The following KIF26B variants were observed in gnomAD, a reference collection of about 807,000 sequenced individuals.
KIF26B encodes the protein kinesin-like protein KIF26B.
A neutral mutation model predicts 151.2 loss-of-function variants in KIF26B; 63 were observed. The observed-to-expected ratio is 0.42, with a 90% CI of 0.34 to 0.51. KIF26B has a LOEUF of 0.51. Ranked by LOEUF, KIF26B falls within the 20% of genes least tolerant of loss-of-function variation. The pLI, the probability that KIF26B is intolerant of heterozygous loss-of-function variation, is 0.07. For synonymous variants in KIF26B, 1,357 were observed against 1,262.1 expected, an observed-to-expected ratio of 1.08 and a Z score of -1.59; for missense variants, 2,813 against 2,913.6, an observed-to-expected ratio of 0.97 and a Z score of 0.79.
At chr1:245,385,341 C>T (rs113820570) in intron 3 of KIF26B, among the ~76,000 whole-genome samples, 1,564 of 152,268 alleles carry the variant, frequency 0.01, 26 homozygotes, top group African/African-American at 0.036. Context: ...TTAATTGGTA[C>T]AAATATATTG....
At chr1:245,281,939 G>A (rs1214548241) in intron 2 of KIF26B, among the ~76,000 whole-genome samples, 2 of 151,540 alleles carry the variant, frequency 1.3e-5, no homozygotes, top group African/African-American at 2.4e-5. Context: ...ATTTCTGAGG[G>A]CTCTGTTCTG....
intron 4 of KIF26B, among the ~76,000 whole-genome samples, chr1:245,445,247 G>A (rs568061518): frequency 2.2e-4 from 33 of 152,302 alleles, no homozygotes; most frequent in Middle Eastern, 3.4e-3. Context: ...AGCCAGGCTG[G>A]TCTAGAATCT....
chr1:245,640,143 C>CTCTCTCTCTCTCTCTATATATATA, intron 9 of KIF26B, among the ~76,000 whole-genome samples: 6 of 31,922 alleles, frequency 1.9e-4, no homozygotes, highest in African/African-American at 2.8e-4. Flanking sequence ...CTCTCTCTCT[C>CTCTCTCTCTCTCTCTATATATATA]TATATATATA....
Position 245,156,659 on chromosome 1 carries a change from C to G in KIF26B, c.441C>G (p.Leu147=). The G allele has an allele frequency of 6.6e-7, 1 of 1,503,836 alleles. No individual in the cohort carries two copies. The highest frequency in any genetic ancestry group is 2.7e-5 in the East Asian group (1 of 36,584). 93.2% of individuals were successfully genotyped at this position (1,503,836 alleles called of 1,614,324 possible). A position where few individuals can be genotyped will look rare whatever the true frequency, so the allele number is the denominator to read the frequency against. The part of the protein sequence containing the change: ...VELKRQALRL[L]LPGPFPGKDP... ...TCAAGAGGCAGGCCCTGAGGTTGCT[C>G]CTCCCGGGGCCCTTCCCGGGCAAGG... is the stretch of plus-strand genomic sequence containing the variant. Residue 147 remains leucine (L), a synonymous_variant, in exon 2 of 15, where the codon CTC becomes CTG. Transcript: ENST00000407071.
At chr1:245,242,872 G>C (rs190956478) in intron 2 of KIF26B, among the ~76,000 whole-genome samples, 1 of 151,986 alleles carries the variant, frequency 6.6e-6, no homozygotes, top group Non-Finnish European at 1.5e-5. Flanking sequence ...GGCTGGTCTC[G>C]AACTCCTGAC....
chr1:245,524,928 T>A (rs1204739236), intron 4 of KIF26B, among the ~76,000 whole-genome samples: 1 of 152,172 alleles, frequency 6.6e-6, no homozygotes, highest in Non-Finnish European at 1.5e-5. Flanking sequence ...GCATTCTCTG[T>A]CTTTTTTGGT....
At chr1:245,416,140 C>A in intron 3 of KIF26B, among the ~76,000 whole-genome samples, 2 of 148,712 alleles carry the variant, frequency 1.3e-5, no homozygotes, top group South Asian at 2.1e-4. Flanking sequence ...GTTAGCCAGG[C>A]ACAGGGGCGC....
At chr1:245,574,958 G>A (rs1484828545) in intron 5 of KIF26B, among the ~76,000 whole-genome samples, 3 of 144,630 alleles carry the variant, frequency 2.1e-5, no homozygotes, top group African/African-American at 5.2e-5. Flanking sequence ...TCCACCTCCC[G>A]GGTTCACGCC....
chr1:245,361,325 C>T (rs982390273), intron 2 of KIF26B, among the ~76,000 whole-genome samples: 1 of 152,184 alleles, frequency 6.6e-6, no homozygotes, highest in South Asian at 2.1e-4. Context: ...GCTGCTACAT[C>T]CCAGGGTAAT....
chr1:245,474,770 T>G (rs1213238630), intron 4 of KIF26B, among the ~76,000 whole-genome samples: 1 of 151,748 alleles, frequency 6.6e-6, no homozygotes, highest in Non-Finnish European at 1.5e-5. Flanking sequence ...ACTAAACAAC[T>G]TCTCTTCGTC....
chr1:245,235,491 G>A (rs1041126387), intron 2 of KIF26B, among the ~76,000 whole-genome samples: 1 of 151,682 alleles, frequency 6.6e-6, no homozygotes, highest in African/African-American at 2.4e-5. Context: ...TACTCAGGAG[G>A]CAGAGGTGGG....
In KIF26B at chr1:245,540,747, TG is replaced by T. The variant is rs1661598306; in HGVS notation, c.1167-19del. The T allele has an allele frequency of 1.2e-6, 2 of 1,606,144 alleles. No individual in the cohort carries two copies. Among genetic ancestry groups the T allele is most frequent in the Non-Finnish European group, 1.7e-6 (2 of 1,172,800 alleles). On this transcript the variant is annotated intron_variant, in intron 4 of 14. Transcript: ENST00000407071. The surrounding 1 kb of genome is among the most constrained non-coding windows in gnomAD (Gnocchi z 4.6). ...GATCGTACAATCATTTTCCCCTTAT[TG>T]TTCCTTTTTCCACTCCAGAGCTGCC...
chr1:245,589,067 C>T (rs919260323), intron 5 of KIF26B, among the ~76,000 whole-genome samples: 5 of 152,146 alleles, frequency 3.3e-5, no homozygotes, highest in African/African-American at 7.2e-5. Context: ...CAGTATACGT[C>T]GGGCTCTTAA....
chr1:245,174,486 A>C (rs968798103), intron 2 of KIF26B, among the ~76,000 whole-genome samples: 1 of 57,356 alleles, frequency 1.7e-5, no homozygotes, highest in African/African-American at 3.0e-5. Context: ...CCTATTCAGC[A>C]ACTATGTATG....
In KIF26B at chr1:245,685,664, C is replaced by T. The variant is rs1369182846; in HGVS notation, c.2681C>T (p.Pro894Leu). ...EGPPDFVPIV[P>L]ALQKTRGDSR... ...CCCCCAGACTTTGTCCCTATCGTGC[C>T]AGCCCTGCAGAAGACCCGGGGCGAC... Residue 894 changes from proline to leucine, a missense_variant, in exon 12 of 15, where the codon CCA becomes CTA. Pro to Leu is a moderately conservative substitution (Grantham distance 98). Coordinates refer to ENST00000407071, the MANE Select transcript of KIF26B (RefSeq NM_018012.4). The T allele has an allele frequency of 1.2e-6, 2 of 1,613,212 alleles. No individual in the cohort carries two copies. Among genetic ancestry groups the T allele is most frequent in the Non-Finnish European group, 1.7e-6 (2 of 1,179,816 alleles).
intron 4 of KIF26B, among the ~76,000 whole-genome samples, chr1:245,482,555 AG>A (rs1660190568): frequency 6.6e-6 from 1 of 151,720 alleles, no homozygotes; most frequent in Non-Finnish European, 1.5e-5. Context: ...AAGCTGCCCG[AG>A]GGTACCCTGC....
chr1:245,518,733 C>T (rs1197587500), intron 4 of KIF26B, among the ~76,000 whole-genome samples: 1 of 152,158 alleles, frequency 6.6e-6, no homozygotes, highest in Non-Finnish European at 1.5e-5. Flanking sequence ...ATCTTGGATG[C>T]TTTTAGTCAC....
At chr1:245,610,309 C>A (rs1024292595) in intron 8 of KIF26B, among the ~76,000 whole-genome samples, 1 of 152,204 alleles carries the variant, frequency 6.6e-6, no homozygotes, top group African/African-American at 2.4e-5. Context: ...CCATGCTCTT[C>A]CCCTGCTTAA....
intron 10 of KIF26B, among the ~76,000 whole-genome samples, chr1:245,675,425 C>G (rs2044346634): frequency 6.6e-6 from 1 of 152,202 alleles, no homozygotes; most frequent in Admixed American, 6.5e-5. Flanking sequence ...ATGGCCCATC[C>G]TACCCTAAGA....
Sources: gnomAD v4.1 joint callset for allele counts (sites outside exome capture counted in the v4.1 genomes callset) on GRCh38, gnomAD v4.1.1 for gene constraint, Gnocchi (gnomAD v3.1) non-coding constraint, MANE v1.5 for transcripts, NCBI Gene and HGNC (gene_info 2026-07-23, HGNC 2026-07-21) for gene names.